The following LYST variants were observed in gnomAD, a reference collection of about 807,000 sequenced individuals.
The protein encoded by LYST is lysosomal-trafficking regulator.
Under a neutral mutation model 413.6 loss-of-function variants are expected in LYST, and 192 were observed. That is an observed-to-expected ratio of 0.46 (90% CI 0.41 to 0.52). LYST has a LOEUF of 0.52. Ranked by LOEUF, LYST falls within the 20% of genes least tolerant of loss-of-function variation. The pLI is 0.00. For synonymous variants in LYST, 1,525 were observed against 1,567.3 expected, an observed-to-expected ratio of 0.97 and a Z score of 0.64; for missense variants, 3,815 against 4,499.9, an observed-to-expected ratio of 0.85 and a Z score of 4.35.
At chr1:235,667,346 A>G (rs141745214) in intron 50 of LYST, among the ~76,000 whole-genome samples, 55 of 152,328 alleles carry the variant, frequency 3.6e-4, no homozygotes, top group African/African-American at 1.3e-3. Context: ...TGATCCAGTG[A>G]TAGAATGGTA....
intron 10 of LYST, among the ~76,000 whole-genome samples, chr1:235,798,165 T>A (rs558423918): frequency 1.0e-3 from 157 of 152,140 alleles, no homozygotes; most frequent in African/African-American, 3.7e-3. Context: ...ACAAGGAAAG[T>A]CTGAGAAACT....
chr1:235,785,116 A>G (rs887566457), intron 14 of LYST, among the ~76,000 whole-genome samples: 36 of 152,258 alleles, frequency 2.4e-4, no homozygotes, highest in African/African-American at 7.7e-4. Context: ...TCCTGCAGTG[A>G]TGCCCTGTCT....
intron 30 of LYST, 91 bp from the exon 31 acceptor site, chr1:235,741,719 A>G: frequency 1.1e-6 from 1 of 928,788 alleles, no homozygotes; most frequent in Non-Finnish European, 1.7e-6. Flanking sequence ...AGATTATGGA[A>G]CACGTTTTAT....
chr1:235,680,994 G>A (rs1659770270), intron 48 of LYST, among the ~76,000 whole-genome samples: 1 of 152,176 alleles, frequency 6.6e-6, no homozygotes, highest in Non-Finnish European at 1.5e-5. Flanking sequence ...GTCCCCTACT[G>A]TGTGCCTGTC....
At chr1:235,842,684 T>C (rs1677352455) in intron 1 of LYST, among the ~76,000 whole-genome samples, 1 of 152,182 alleles carries the variant, frequency 6.6e-6, no homozygotes, top group Non-Finnish European at 1.5e-5. Flanking sequence ...AGGTCAAAGA[T>C]AGACTCAAGA....
In LYST at chr1:235,759,062, C is replaced by T; in HGVS notation, c.6791G>A (p.Ser2264Asn). ...ATCATCAGTGTTTCTATCAACAAGA[C>T]TTGGCCAACGGCCAACAGCTGCAGA... ...NGSAAVGRWP[S>N]LVDRNTDDWE... Residue 2264 changes from serine to asparagine, a missense_variant, in exon 23 of 53, where the codon AGT becomes AAT. Ser to Asn is a conservative substitution (Grantham distance 46, BLOSUM62 1). Transcript: ENST00000389793. The T allele has an allele frequency of 3.1e-6, 5 of 1,614,120 alleles. No individual in the cohort carries two copies. Among genetic ancestry groups the T allele is most frequent in the East Asian group, 2.2e-5 (1 of 44,866 alleles).
rs191648759 is a variant in LYST at position 235,787,586 on chromosome 1, G to A, written c.4689-213C>T. Among the ~76,000 whole-genome samples, 574 of 152,004 alleles carry A rather than the reference G, an allele frequency of 3.8e-3. 2 individuals are homozygous for A. The highest frequency in any genetic ancestry group is 0.013 in the African/African-American group (544 of 41,460). ...TCAATTCATGAACTAAAATAGATTA[G>A]GCTCATTGGCTGGTAGTCATAATTT... On this transcript the variant is annotated intron_variant, in intron 13 of 52. Coordinates refer to ENST00000389793, the MANE Select transcript of LYST (RefSeq NM_000081.4).
intron 48 of LYST, among the ~76,000 whole-genome samples, chr1:235,682,628 T>C (rs1001420463): frequency 6.6e-6 from 1 of 152,166 alleles, no homozygotes; most frequent in African/African-American, 2.4e-5. Flanking sequence ...GTTAAAACCA[T>C]AGAAATGTAG....
chr1:235,741,746 T>C, intron 30 of LYST, 118 bp from the exon 31 acceptor site: 2 of 757,506 alleles, frequency 2.6e-6, no homozygotes, highest in South Asian at 1.5e-5. Flanking sequence ...TTGGTTTTAA[T>C]AGTCAAAATT....
chr1:235,873,233 A>T (rs1032673632), intron 1 of LYST, among the ~76,000 whole-genome samples: 1 of 152,216 alleles, frequency 6.6e-6, no homozygotes, highest in Non-Finnish European at 1.5e-5. Context: ...TAAAAGTGTT[A>T]AAAACAACTG....
rs1455380433 is a variant in LYST, at chr1:235,810,336, GTCTT to G, written c.478_481del (p.Lys160HisfsTer17). On this transcript the variant is annotated frameshift_variant, in exon 5 of 53. Coordinates refer to ENST00000389793, the MANE Select transcript of LYST (RefSeq NM_000081.4). LOFTEE classifies it high-confidence loss of function. ...TTCTGAATCTGAGGTGGAGAGCTGT[GTCTT>G]TCTTGCATCTCTTACAGAATAGCGA... The G allele has an allele frequency of 1.2e-6, 2 of 1,614,078 alleles. No individual in the cohort carries two copies. Among genetic ancestry groups the G allele is most frequent in the Non-Finnish European group, 1.7e-6 (2 of 1,179,940 alleles).
In LYST at chr1:235,709,259, G is replaced by C. The variant is rs778312322; in HGVS notation, c.9975C>G (p.Asn3325Lys). The change falls in exon 44 of 53, where the codon AAC becomes AAG. Residue 3325 changes from asparagine to lysine, a missense_variant. By Grantham distance (94) the Asn-to-Lys change is moderately conservative. Around this residue, in one of 4 missense-constraint regions of LYST, gnomAD observed 866 missense variants for 1,156.0 expected, o/e 0.75. Coordinates refer to ENST00000389793, the MANE Select transcript of LYST (RefSeq NM_000081.4). ...RQNGERVNHV[N>K]LPPWARNDPR... The stretch of plus-strand genomic sequence containing the variant: ...GATCATTACGCGCCCAAGGGGGAAG[G>C]TTGACGTGATTAACCCGTTCACCAT... 6.2e-7 allele frequency: 1 copy of C among 1,614,096 alleles called. No individual in the cohort carries two copies. Among genetic ancestry groups the C allele is most frequent in the Non-Finnish European group, 8.5e-7 (1 of 1,180,014 alleles).
At chr1:235,789,533 T>G (rs890353952) in intron 12 of LYST, among the ~76,000 whole-genome samples, 1 of 152,182 alleles carries the variant, frequency 6.6e-6, no homozygotes, top group Non-Finnish European at 1.5e-5. Flanking sequence ...TGTGACTTTA[T>G]GTAAAGCTAT....
intron 30 of LYST, 73 bp downstream of exon 30, chr1:235,743,906 T>C: frequency 1.1e-6 from 1 of 871,944 alleles, no homozygotes; most frequent in Middle Eastern, 3.5e-4. Flanking sequence ...TTTGAAAACG[T>C]ATAATACAGT....
intron 50 of LYST, among the ~76,000 whole-genome samples, chr1:235,668,473 G>A (rs181665937): frequency 6.8e-4 from 104 of 152,140 alleles, no homozygotes; most frequent in African/African-American, 2.3e-3. Context: ...AGGCCTTTTT[G>A]TTCAAATTGG....
At chr1:235,666,408 C>A (rs1658473180) in intron 50 of LYST, among the ~76,000 whole-genome samples, 1 of 151,884 alleles carries the variant, frequency 6.6e-6, no homozygotes, top group Admixed American at 6.6e-5. Flanking sequence ...CTACAATGGG[C>A]AAATTCAGAG....
Position 235,661,393 on chromosome 1 carries a change from A to G in LYST, c.*1547T>C, listed in dbSNP as rs1658037074. 1.3e-5 allele frequency: 2 copies of G among 152,396 alleles called. No individual in the cohort carries two copies. Among genetic ancestry groups the G allele is most frequent in the Non-Finnish European group, 2.9e-5 (2 of 68,010 alleles). The allele number at this position is 152,396 out of a possible 1,614,324, so 9.4% of individuals were successfully genotyped here. A position where few individuals can be genotyped will look rare whatever the true frequency, so the allele number is the denominator to read the frequency against. On this transcript the variant is annotated 3_prime_UTR_variant, in exon 53 of 53. Coordinates refer to ENST00000389793, the MANE Select transcript of LYST (RefSeq NM_000081.4). ...TAGACAATAGCTGCAATTTTTTGTT[A>G]ACAAAGCAAATCACTTCAACGTGAA... is the stretch of plus-strand genomic sequence containing the variant.
intron 29 of LYST, among the ~76,000 whole-genome samples, chr1:235,744,805 T>C (rs1440470308): frequency 6.7e-6 from 1 of 149,898 alleles, no homozygotes; most frequent in East Asian, 2.0e-4. Flanking sequence ...GAGGCTGAGA[T>C]GGGAGGATTG....
Position 235,802,985 on chromosome 1 carries a change from A to G in LYST, c.3635T>C (p.Phe1212Ser), listed in dbSNP as rs1362190368. ...ACCTTCTTCTTCAACTAAAAGTTTAAAACTACAACACTGAGAATCCTCAGC... is the reference window on the plus strand; with the variant it reads ...ACCTTCTTCTTCAACTAAAAGTTTAGAACTACAACACTGAGAATCCTCAGC... ...EEAEDSQCCS[F>S]KLLVEEEGYE... is the part of the protein sequence containing the mutation. Residue 1212 changes from phenylalanine to serine, a missense_variant, in exon 8 of 53, where the codon TTT becomes TCT. Physicochemically the swap from Phe to Ser is radical, Grantham distance 155. Coordinates refer to ENST00000389793, the MANE Select transcript of LYST (RefSeq NM_000081.4). 6.2e-7 allele frequency: 1 copy of G among 1,613,560 alleles called. No individual in the cohort carries two copies. The highest frequency in any genetic ancestry group is 1.1e-5 in the South Asian group (1 of 91,070).
Sources: gnomAD v4.1 joint callset for allele counts (sites outside exome capture counted in the v4.1 genomes callset) on GRCh38, gnomAD v4.1.1 for gene constraint, gnomAD v4.1.1 regional missense constraint, MANE v1.5 for transcripts, NCBI Gene and HGNC (gene_info 2026-07-23, HGNC 2026-07-21) for gene names.